The following ATN1 variants were observed in gnomAD, a reference collection of about 807,000 sequenced individuals.
The protein encoded by ATN1 is atrophin 1.
ATN1 carries 19 observed loss-of-function variants against 85.8 expected under a neutral mutation model. The ratio of observed to expected loss-of-function variants is 0.22; its 90% CI spans 0.15 to 0.32. ATN1 has a LOEUF of 0.32. ATN1 is among the 10% of genes least tolerant of loss of function. The probability of loss-of-function intolerance (pLI) is 1.00; values close to 1 mark genes in which losing one functional copy is unlikely to be tolerated. For missense variants in ATN1, 1,453 were observed against 1,564.5 expected (o/e 0.93, Z 1.20); for synonymous variants, 674 against 657.0 (o/e 1.03, Z -0.39).
At chr12:6,940,353 C>T (rs1179187809) in intron 7 of ATN1, among the ~76,000 whole-genome samples, 1 of 152,024 alleles carries the variant, frequency 6.6e-6, no homozygotes, top group Admixed American at 6.6e-5. Flanking sequence ...GCAGCTTCCA[C>T]CTCCCAGGTT....
chr12:6,926,832 C>T (rs1945403606), upstream of ATN1, among the ~76,000 whole-genome samples: 1 of 152,078 alleles, frequency 6.6e-6, no homozygotes, highest in Non-Finnish European at 1.5e-5. Context: ...AGCCATAGGC[C>T]TTGTTCAGCT....
chr12:6,936,801 C>A lies in ATN1; in HGVS notation c.1534C>A (p.Pro512Thr). 9 of 1,613,394 alleles carry A rather than the reference C, an allele frequency of 5.6e-6. No individual in the cohort carries two copies. Among genetic ancestry groups the A allele is most frequent in the Non-Finnish European group, 7.6e-6 (9 of 1,179,766 alleles). ...QHHGNSGPPPPGAFPHPLEGG... is the reference protein window; with the variant it reads ...QHHGNSGPPPTGAFPHPLEGG... Reference sequence around the variant, plus strand: ...TCACGGAAACTCTGGGCCCCCTCCTCCTGGAGCATTTCCCCACCCACTGGA... The same window carrying A: ...TCACGGAAACTCTGGGCCCCCTCCTACTGGAGCATTTCCCCACCCACTGGA... Residue 512 changes from proline (P) to threonine (T), a missense_variant, in exon 5 of 10, where the codon CCT (proline) becomes ACT (threonine). Physicochemically the swap from Pro to Thr is conservative, Grantham distance 38. This residue lies in a region of ATN1 where 990 missense variants were observed against 914.8 expected (regional missense o/e 1.08). Coordinates refer to ENST00000396684, the MANE Select transcript of ATN1 (RefSeq NM_001940.4).
At position 6,934,899 on chromosome 12, in the gene ATN1, T is replaced by C. The variant is rs1945512144; in HGVS notation, c.279+321T>C. On this transcript the variant is annotated intron_variant, in intron 4 of 9. Coordinates refer to ENST00000396684, the MANE Select transcript of ATN1 (RefSeq NM_001940.4). The surrounding 1 kb of genome is among the most constrained non-coding windows in gnomAD (Gnocchi z 4.5). ...TTTCTTTTTTATTGTTTTTTTTTGT[T>C]TGTTTGTTTTTGAGACAGTTTCGCT... Among the ~76,000 whole-genome samples, 1 of 152,144 alleles carries C rather than the reference T, an allele frequency of 6.6e-6. No individual in the cohort carries two copies. Among genetic ancestry groups the C allele is most frequent in the South Asian group, 2.1e-4 (1 of 4,820 alleles).
In ATN1 at chr12:6,936,939, T is replaced by C; in HGVS notation, c.1672T>C (p.Tyr558His). The C allele has an allele frequency of 6.2e-7, 1 of 1,613,974 alleles. No individual in the cohort carries two copies. The highest frequency in any genetic ancestry group is 8.5e-7 in the Non-Finnish European group (1 of 1,179,958). The change falls in exon 5 of 10, where the codon TAC (tyrosine) becomes CAC (histidine). Residue 558 changes from tyrosine to histidine, a missense_variant. Tyr to His is a moderately conservative substitution (Grantham distance 83). Coordinates refer to ENST00000396684, the MANE Select transcript of ATN1 (RefSeq NM_001940.4). ...HLPPPHSQVS[Y>H]SQAGPNGPPV... ...GCCCCCACCTCACAGCCAGGTGTCC[T>C]ACAGCCAAGCAGGCCCCAATGGCCC...
chr12:6,934,589 C>T lies in ATN1; in HGVS notation c.279+11C>T, dbSNP rs782207436. ...AAGACCAAAACTGAGGTGGGAAACC[C>T]TTGTCGCCATCCTGACCCATCTTGT... On this transcript the variant is annotated intron_variant, in intron 4 of 9. Coordinates refer to ENST00000396684, the MANE Select transcript of ATN1 (RefSeq NM_001940.4). This position sits in a 1 kb window ranked among gnomAD's most constrained non-coding sequence, Gnocchi z 4.5. 6.5e-7 allele frequency: 1 copy of T among 1,539,786 alleles called. No homozygotes were observed. Among genetic ancestry groups the T allele is most frequent in the Non-Finnish European group, 8.8e-7 (1 of 1,135,464 alleles).
At chr12:6,931,715 CAAA>C (rs1197799382) in intron 1 of ATN1, among the ~76,000 whole-genome samples, 6 of 57,402 alleles carry the variant, frequency 1.0e-4, no homozygotes, top group African/African-American at 3.1e-4. Context: ...AGATCCATCT[CAAA>C]AAAAAAAAAA....
At chr12:6,933,207 GTCAT>G (rs1390914818) in intron 1 of ATN1, among the ~76,000 whole-genome samples, 2 of 151,786 alleles carry the variant, frequency 1.3e-5, no homozygotes, top group East Asian at 3.9e-4. Context: ...ATACTTCAAT[GTCAT>G]TTCTTTTTTC....
intron 6 of ATN1, 62 bp downstream of exon 6, chr12:6,938,129 TGCGCTGC>T: frequency 1.4e-6 from 2 of 1,480,750 alleles, no homozygotes; most frequent in Non-Finnish European, 1.8e-6. Flanking sequence ...CCCTCTGCGC[TGCGCTGC>T]GCTACGCTAC....
chr12:6,941,142 G>A lies in ATN1; in HGVS notation c.3358+119G>A. 2 of 1,345,736 alleles carry A rather than the reference G, an allele frequency of 1.5e-6. No individual in the cohort carries two copies. Among genetic ancestry groups the A allele is most frequent in the East Asian group, 2.4e-5 (1 of 41,534 alleles). The allele number at this position is 1,345,736 out of a possible 1,614,324, so 83.4% of individuals were successfully genotyped here. On this transcript the variant is annotated intron_variant, in intron 8 of 9. Coordinates refer to ENST00000396684, the MANE Select transcript of ATN1 (RefSeq NM_001940.4). This position sits in a 1 kb window ranked among gnomAD's most constrained non-coding sequence, Gnocchi z 5.9. The stretch of plus-strand genomic sequence containing the variant: ...GGATGAGGAGGTGCCTAGAGGAGCT[G>A]GGCATGGGAATAGGAGAGCTGGAGC...
At position 6,934,033 on chromosome 12, in the gene ATN1, G is replaced by A; in HGVS notation, c.27+5G>A. The A allele has an allele frequency of 6.2e-7, 1 of 1,609,730 alleles. No homozygotes were observed. Among genetic ancestry groups the A allele is most frequent in the Non-Finnish European group, 8.5e-7 (1 of 1,177,900 alleles). On this transcript the variant is annotated splice_donor_5th_base_variant and intron_variant, in intron 2 of 9. Coordinates refer to ENST00000396684, the MANE Select transcript of ATN1 (RefSeq NM_001940.4). The surrounding 1 kb of genome is among the most constrained non-coding windows in gnomAD (Gnocchi z 4.5). ...ACACGACAGAATAAAGACTCGGTGAGTTAAAATGAGAGACATGAAAGATGA... is the reference window on the plus strand; with the variant it reads ...ACACGACAGAATAAAGACTCGGTGAATTAAAATGAGAGACATGAAAGATGA...
At position 6,937,519 on chromosome 12, in the gene ATN1, C is replaced by T; in HGVS notation, c.2252C>T (p.Pro751Leu). The T allele has an allele frequency of 6.5e-7, 1 of 1,540,820 alleles. No individual in the cohort carries two copies. Among genetic ancestry groups the T allele is most frequent in the African/African-American group, 1.4e-5 (1 of 72,508 alleles). ...CCAGCCCGCAGCCCCTCGCCCCCTC[C>T]CAAGGTGGTAGATGTACCCAGCCAT... is the stretch of plus-strand genomic sequence containing the variant. ...VPPARSPSPP[P>L]KVVDVPSHAS... Residue 751 changes from proline (P) to leucine (L), a missense_variant, in exon 5 of 10, where the codon CCC (proline) becomes CTC (leucine). By Grantham distance (98) the Pro-to-Leu change is moderately conservative (BLOSUM62 -3). Transcript: ENST00000396684. This position sits in a 1 kb window ranked among gnomAD's most constrained non-coding sequence, Gnocchi z 6.0.
chr12:6,935,419 G>A lies in ATN1; in HGVS notation c.280-128G>A, dbSNP rs1945518261. ...CCCAGATGGTAAGAGGTGGGCTTGA[G>A]CAAGAGTACTCACCACATCACAGTA... On this transcript the variant is annotated intron_variant, in intron 4 of 9. Transcript: ENST00000396684. This position sits in a 1 kb window ranked among gnomAD's most constrained non-coding sequence, Gnocchi z 5.3. 9.3e-7 allele frequency: 1 copy of A among 1,071,822 alleles called. No individual in the cohort carries two copies. Among genetic ancestry groups the A allele is most frequent in the Non-Finnish European group, 1.3e-6 (1 of 765,638 alleles). 66.4% of individuals were successfully genotyped at this position (1,071,822 alleles called of 1,614,324 possible).
rs1555144167 is a variant in ATN1 at position 6,938,107 on chromosome 12, C to T, written c.2517+40C>T. ...GCCTGCGCCACCGCCTTCTTTCCCT[C>T]TTTCCTTCCTTCCCTCTGCGCTGCG... On this transcript the variant is annotated intron_variant, in intron 6 of 9. Transcript: ENST00000396684. 2.6e-6 allele frequency: 4 copies of T among 1,514,458 alleles called. No individual in the cohort carries two copies. In the African/African-American group the frequency reaches 5.6e-5, roughly 21 times the overall value. 93.8% of individuals were successfully genotyped at this position (1,514,458 alleles called of 1,614,324 possible).
In ATN1 at chr12:6,936,336, C is replaced by A. The variant is rs369722876; in HGVS notation, c.1069C>A (p.His357Asn). 2 of 1,613,996 alleles carry A rather than the reference C, an allele frequency of 1.2e-6. No individual in the cohort carries two copies. The highest frequency in any genetic ancestry group is 8.5e-7 in the Non-Finnish European group (1 of 1,179,944). Residue 357 changes from histidine to asparagine, a missense_variant, in exon 5 of 10, where the codon CAC becomes AAC. Physicochemically the swap from His to Asn is moderately conservative, Grantham distance 68. Transcript: ENST00000396684. ...GGGCCCAACTCTGGCTCCTTCACCC[C>A]ACTCTCTGCCTCCTGCTTCCTCTTC... The part of the protein sequence containing the change: ...EKGPTLAPSP[H>N]SLPPASSSAP...
intron 1 of ATN1, among the ~76,000 whole-genome samples, chr12:6,929,382 G>A (rs1555142875): frequency 6.6e-6 from 1 of 152,168 alleles, no homozygotes; most frequent in Non-Finnish European, 1.5e-5. Context: ...TTTGACTAGG[G>A]TAGGTACCTT....
rs782593996 is a variant in ATN1 at position 6,941,496 on chromosome 12, C to G, written c.3481C>G (p.Leu1161Val). 2.5e-6 allele frequency: 4 copies of G among 1,612,774 alleles called. No individual in the cohort carries two copies. Residue 1161 changes from leucine (L) to valine (V), a missense_variant, in exon 9 of 10, where the codon CTG becomes GTG. Transcript: ENST00000396684. This position sits in a 1 kb window ranked among gnomAD's most constrained non-coding sequence, Gnocchi z 5.9. Reference sequence around the variant, plus strand: ...CTTGGCGCTGGAACAGCAGCAGTGGCTGCATGCCCATCACCCGCTGCACAG... The same window carrying G: ...CTTGGCGCTGGAACAGCAGCAGTGGGTGCATGCCCATCACCCGCTGCACAG... ...QRLALEQQQWLHAHHPLHSVP... is the reference protein window; with the variant it reads ...QRLALEQQQWVHAHHPLHSVP...
Position 6,941,784 on chromosome 12 carries a change from C to G in ATN1, c.*4C>G. On this transcript the variant is annotated 3_prime_UTR_variant, in exon 10 of 10. Transcript: ENST00000396684. This position sits in a 1 kb window ranked among gnomAD's most constrained non-coding sequence, Gnocchi z 5.9. Reference sequence around the variant, plus strand: ...GGAAAGCGACAAGCCACTGTAGAACCTGCGATCAAGAGAGCACCATGGCTC... The same window carrying G: ...GGAAAGCGACAAGCCACTGTAGAACGTGCGATCAAGAGAGCACCATGGCTC... 1 of 1,614,028 alleles carries G rather than the reference C, an allele frequency of 6.2e-7. No homozygotes were observed.
At chr12:6,928,726 G>C (rs1945428332) in intron 1 of ATN1, among the ~76,000 whole-genome samples, 1 of 152,226 alleles carries the variant, frequency 6.6e-6, no homozygotes, top group African/African-American at 2.4e-5. Flanking sequence ...GGTTGGCGGA[G>C]GAAAACGGGG....
In ATN1 at chr12:6,937,945, C is replaced by T. The variant is rs1193683834; in HGVS notation, c.2395C>T (p.Leu799=). ...GSKLAKKRAD[L]VEKVRREAEQ... ...CAAGCTGGCCAAGAAGCGGGCCGAC[C>T]TGGTGGAGAAGGTGCGGCGCGAGGC... is the stretch of plus-strand genomic sequence containing the variant. Residue 799 remains leucine (L), a synonymous_variant, in exon 6 of 10, where the codon CTG becomes TTG. Coordinates refer to ENST00000396684, the MANE Select transcript of ATN1 (RefSeq NM_001940.4). The surrounding 1 kb of genome is among the most constrained non-coding windows in gnomAD (Gnocchi z 6.0). 18 of 1,584,858 alleles carry T rather than the reference C, an allele frequency of 1.1e-5. No homozygotes were observed. The highest frequency in any genetic ancestry group is 1.5e-5 in the Non-Finnish European group (18 of 1,166,442).
Sources: gnomAD v4.1 joint callset for allele counts (sites outside exome capture counted in the v4.1 genomes callset) on GRCh38, gnomAD v4.1.1 for gene constraint, gnomAD v4.1.1 regional missense constraint, Gnocchi (gnomAD v3.1) non-coding constraint, MANE v1.5 for transcripts, NCBI Gene and HGNC (gene_info 2026-07-23, HGNC 2026-07-21) for gene names.